FSTL5: variants seen among roughly 807,000 people sequenced by gnomAD.
FSTL5 encodes the protein follistatin like 5.
In FSTL5, 62 loss-of-function variants were observed where a neutral mutation model predicts 89.1. That is an observed-to-expected ratio of 0.70 (90% CI 0.57 to 0.86). The LOEUF is 0.86. FSTL5 is among the 40% of genes least tolerant of loss of function. The probability of loss-of-function intolerance (pLI) is 0.00; values close to 1 mark genes in which losing one functional copy is unlikely to be tolerated. For missense variants in FSTL5, 1,057 were observed against 1,001.6 expected (o/e 1.06, Z -0.75); for synonymous variants, 383 against 346.2 (o/e 1.11, Z -1.18).
At chr4:161,878,530 G>A (rs754557853) in intron 4 of FSTL5, among the ~76,000 whole-genome samples, 31 of 151,938 alleles carry the variant, frequency 2.0e-4, no homozygotes, top group Non-Finnish European at 3.8e-4. Flanking sequence ...CTTTATAAAG[G>A]AAACAACCTT....
chr4:161,542,861 T>C (rs1731879665), intron 8 of FSTL5, among the ~76,000 whole-genome samples, 168 bp from the exon 9 acceptor site: 1 of 152,114 alleles, frequency 6.6e-6, no homozygotes, highest in African/African-American at 2.4e-5. Context: ...AATGTACCAG[T>C]GTTACCTGTA....
Position 161,583,409 on chromosome 4 carries a change from C to T in FSTL5, c.1015+4046G>A, listed in dbSNP as rs570316052. Among the ~76,000 whole-genome samples the T allele has an allele frequency of 6.6e-5, 10 of 152,172 alleles. No individual in the cohort carries two copies. In the South Asian group the frequency reaches 1.5e-3, roughly 22 times the overall value. On this transcript the variant is annotated intron_variant, in intron 8 of 15. Transcript: ENST00000306100. ...CATTATAGATCTGCCATCCCCAAAC[C>T]GCCCTATCTTGTCTTATTTTCTGTG...
chr4:161,752,492 C>T (rs1462618700), intron 6 of FSTL5, among the ~76,000 whole-genome samples: 1 of 152,178 alleles, frequency 6.6e-6, no homozygotes, highest in African/African-American at 2.4e-5. Flanking sequence ...TCTCAATCAT[C>T]AGCACTTTTG....
intron 13 of FSTL5, among the ~76,000 whole-genome samples, chr4:161,473,589 C>G (rs1734024490): frequency 1.3e-5 from 2 of 151,902 alleles, no homozygotes; most frequent in Admixed American, 1.3e-4. Flanking sequence ...TCACCACACC[C>G]AGCAAATTAA....
intron 7 of FSTL5, among the ~76,000 whole-genome samples, chr4:161,603,321 AGT>A (rs1336481478): frequency 6.6e-6 from 1 of 152,186 alleles, no homozygotes; most frequent in Non-Finnish European, 1.5e-5. Context: ...TAGTTTAGTA[AGT>A]GTGCAATAGC....
chr4:161,669,756 A>T (rs73862364), intron 6 of FSTL5, among the ~76,000 whole-genome samples: 9,493 of 152,206 alleles, frequency 0.062, 399 homozygotes, highest in East Asian at 0.21. Context: ...CATTCAAAAA[A>T]TAATATTGGT....
Position 161,842,922 on chromosome 4 carries a change from A to T in FSTL5, c.410-66848T>A, listed in dbSNP as rs554983420. Among the ~76,000 whole-genome samples, 10 of 152,190 alleles carry T rather than the reference A, an allele frequency of 6.6e-5. No homozygotes were observed. In the South Asian group the frequency reaches 2.1e-3, roughly 32 times the overall value. On this transcript the variant is annotated intron_variant, in intron 4 of 15. Transcript: ENST00000306100. ...TTTATTACCTTAAGGAAATGAGAAA[A>T]ATTAGAATACCTATTTGCTAACTTG...
intron 3 of FSTL5, among the ~76,000 whole-genome samples, chr4:161,949,524 T>A (rs903131205): frequency 6.6e-6 from 1 of 152,100 alleles, no homozygotes; most frequent in Non-Finnish European, 1.5e-5. Context: ...TACCAGATTT[T>A]AAAAATCTTG....
chr4:161,868,621 T>C (rs941505153), intron 4 of FSTL5, among the ~76,000 whole-genome samples: 5 of 152,242 alleles, frequency 3.3e-5, no homozygotes. Context: ...CTACTTATCA[T>C]TGACTGTATA....
intron 1 of FSTL5, among the ~76,000 whole-genome samples, chr4:162,133,261 T>A (rs186347382): frequency 2.0e-5 from 3 of 152,322 alleles, no homozygotes; most frequent in Admixed American, 1.3e-4. Context: ...TAAATGGCAT[T>A]GAAAGTGAGG....
intron 13 of FSTL5, among the ~76,000 whole-genome samples, chr4:161,462,832 G>A (rs1362063293): frequency 6.6e-6 from 1 of 152,032 alleles, no homozygotes. Context: ...ATGAGACCTA[G>A]AAGAGAAAAT....
chr4:161,550,443 C>T (rs1207731768), intron 8 of FSTL5, among the ~76,000 whole-genome samples: 1 of 151,776 alleles, frequency 6.6e-6, no homozygotes, highest in Non-Finnish European at 1.5e-5. Flanking sequence ...CACGTTTAGG[C>T]TCTCCTAATG....
intron 1 of FSTL5, among the ~76,000 whole-genome samples, chr4:162,112,811 ACAC>A (rs1277958941): frequency 6.7e-6 from 1 of 149,072 alleles, no homozygotes; most frequent in Non-Finnish European, 1.5e-5. Context: ...ACACACACAC[ACAC>A]ACCAGTGGGC....
At chr4:162,092,866 T>C (rs569653827) in intron 2 of FSTL5, among the ~76,000 whole-genome samples, 102 of 146,706 alleles carry the variant, frequency 7.0e-4, no homozygotes, top group African/African-American at 2.3e-3. Flanking sequence ...GGAGAATCAC[T>C]TGTACCGGGG....
intron 6 of FSTL5, among the ~76,000 whole-genome samples, chr4:161,676,747 G>GCACACACACACA (rs148353944): frequency 1.4e-5 from 2 of 143,268 alleles, no homozygotes; most frequent in African/African-American, 5.0e-5. Flanking sequence ...ATACATACAC[G>GCACACACACACA]CACACACACA....
At chr4:162,006,068 C>A (rs542357182) in intron 3 of FSTL5, among the ~76,000 whole-genome samples, 2 of 152,058 alleles carry the variant, frequency 1.3e-5, no homozygotes, top group East Asian at 3.9e-4. Flanking sequence ...TATCAACTTT[C>A]ATTGCATAAA....
chr4:162,156,261 CA>C (rs1733467271), intron 1 of FSTL5, among the ~76,000 whole-genome samples: 1 of 152,126 alleles, frequency 6.6e-6, no homozygotes. Context: ...GGTGAGGCTG[CA>C]GAGAAAAGGC....
chr4:161,471,622 T>C (rs1355463350), intron 13 of FSTL5, among the ~76,000 whole-genome samples: 1 of 152,200 alleles, frequency 6.6e-6, no homozygotes, highest in Non-Finnish European at 1.5e-5. Flanking sequence ...GTTTGAGAAA[T>C]ATTGGTGTTA....
chr4:161,612,069 G>C (rs1016960594), intron 7 of FSTL5, among the ~76,000 whole-genome samples: 2 of 152,202 alleles, frequency 1.3e-5, no homozygotes, highest in Admixed American at 1.3e-4. Context: ...GAAGCCAAGA[G>C]AGAAAAGAGT....
Sources: gnomAD v4.1 joint callset for allele counts (sites outside exome capture counted in the v4.1 genomes callset) on GRCh38, gnomAD v4.1.1 for gene constraint, MANE v1.5 for transcripts, NCBI Gene and HGNC (gene_info 2026-07-23, HGNC 2026-07-21) for gene names.